Variants in ARMC3 observed in about 807,000 individuals in gnomAD.
The protein encoded by ARMC3 is armadillo repeat-containing protein 3.
ARMC3 carries 74 observed loss-of-function variants against 90.3 expected under a neutral mutation model. The ratio of observed to expected loss-of-function variants is 0.82; its 90% CI spans 0.68 to 0.99. The LOEUF (loss-of-function observed/expected upper bound fraction) is 0.99. ARMC3 is among the 50% of genes least tolerant of loss of function. ARMC3 has a pLI of 0.00. For missense variants in ARMC3, 958 were observed against 1,042.8 expected (o/e 0.92, Z 1.12); for synonymous variants, 334 against 361.8 (o/e 0.92, Z 0.87).
At chr10:22,971,174 G>A (rs1411618485) in intron 8 of ARMC3, among the ~76,000 whole-genome samples, 1 of 152,080 alleles carries the variant, frequency 6.6e-6, no homozygotes, top group Non-Finnish European at 1.5e-5. Context: ...CACTTGGCAC[G>A]ATGTCCTTAA....
At chr10:23,014,067 T>C (rs1449737582) in intron 16 of ARMC3, 1 of 1,548,300 alleles carries the variant, frequency 6.5e-7, no homozygotes, top group Middle Eastern at 1.7e-4. Context: ...TGTACTGTCT[T>C]CACTCTCCCT....
At chr10:23,025,612 C>G (rs1426723957) in intron 16 of ARMC3, among the ~76,000 whole-genome samples, 1 of 151,948 alleles carries the variant, frequency 6.6e-6, no homozygotes, top group African/African-American at 2.4e-5. Context: ...AGAGGAAAAT[C>G]TATTGTACTA....
chr10:23,030,286 G>C (rs577496014), intron 16 of ARMC3, among the ~76,000 whole-genome samples: 1 of 152,186 alleles, frequency 6.6e-6, no homozygotes, highest in South Asian at 2.1e-4. Flanking sequence ...GCATACTCTA[G>C]ACCCACAGTC....
At chr10:22,954,564 C>T (rs556488625) in intron 3 of ARMC3, among the ~76,000 whole-genome samples, 1 of 150,368 alleles carries the variant, frequency 6.7e-6, no homozygotes, top group East Asian at 2.0e-4. Context: ...CCCAGCTACT[C>T]AGAAGACTGA....
At chr10:23,030,027 C>T (rs1838860136) in intron 16 of ARMC3, among the ~76,000 whole-genome samples, 1 of 152,064 alleles carries the variant, frequency 6.6e-6, no homozygotes, top group African/African-American at 2.4e-5. Context: ...TATTACATAC[C>T]TACTACTATG....
At chr10:23,020,156 T>G (rs923728217) in intron 16 of ARMC3, among the ~76,000 whole-genome samples, 1 of 152,086 alleles carries the variant, frequency 6.6e-6, no homozygotes, top group African/African-American at 2.4e-5. Context: ...TGAGGCAGAG[T>G]CTCGCTCTGT....
chr10:22,978,537 A>G (rs969595644), intron 8 of ARMC3, among the ~76,000 whole-genome samples: 1 of 152,224 alleles, frequency 6.6e-6, no homozygotes, highest in Non-Finnish European at 1.5e-5. Context: ...CAGCCAAACC[A>G]TATCATTTGT....
chr10:23,011,963 T>C (rs1299414375), intron 16 of ARMC3, among the ~76,000 whole-genome samples: 1 of 152,204 alleles, frequency 6.6e-6, no homozygotes, highest in Non-Finnish European at 1.5e-5. Flanking sequence ...ACAGGCCACT[T>C]GACTGATGAG....
intron 2 of ARMC3, among the ~76,000 whole-genome samples, chr10:22,937,054 C>T (rs575261731): frequency 1.3e-5 from 2 of 152,020 alleles, no homozygotes; most frequent in African/African-American, 2.4e-5. Context: ...AGGCATACAC[C>T]GCCATACCCG....
chr10:22,957,058 G>C (rs927226755), intron 4 of ARMC3, among the ~76,000 whole-genome samples: 9 of 152,048 alleles, frequency 5.9e-5, no homozygotes, highest in African/African-American at 1.9e-4. Flanking sequence ...ATTCTAACAT[G>C]AAACTTAGGC....
chr10:22,961,688 T>C, intron 6 of ARMC3, 196 bp from the exon 7 acceptor site: 1 of 535,900 alleles, frequency 1.9e-6, no homozygotes, highest in East Asian at 3.2e-5. Context: ...AGACAATGTC[T>C]ACATATTACA....
rs112376819 is a variant in ARMC3 at position 22,945,670 on chromosome 10, T to C, written c.49-474T>C. On this transcript the variant is annotated intron_variant, in intron 2 of 18. Coordinates refer to ENST00000298032, the MANE Select transcript of ARMC3 (RefSeq NM_173081.5). ...ATTGAGATGGTCATGGAATAAAATA[T>C]ATACAGGTATTCAAGGATTGTGTAT... 9.3e-4 allele frequency among the ~76,000 whole-genome samples: 141 copies of C among 152,322 alleles called. 1 individual carries two copies. The highest frequency in any genetic ancestry group is 3.3e-3 in the African/African-American group (137 of 41,574).
intron 17 of ARMC3, among the ~76,000 whole-genome samples, chr10:23,032,411 T>C (rs1009038139): frequency 2.6e-5 from 4 of 152,202 alleles, no homozygotes; most frequent in African/African-American, 9.6e-5. Context: ...TTAAATCTAA[T>C]GGGAAAATGT....
intron 7 of ARMC3, 72 bp downstream of exon 7, chr10:22,962,150 A>G (rs1835227631): frequency 1.7e-6 from 2 of 1,171,926 alleles, no homozygotes; most frequent in South Asian, 2.1e-5. Flanking sequence ...ATGAAATTTT[A>G]TTATACTTAA....
At chr10:22,984,435 C>T (rs1000651237) in intron 10 of ARMC3, among the ~76,000 whole-genome samples, 2 of 152,014 alleles carry the variant, frequency 1.3e-5, no homozygotes, top group Non-Finnish European at 2.9e-5. Flanking sequence ...CTTGTGGTAA[C>T]GCTTTTTGTA....
intron 2 of ARMC3, among the ~76,000 whole-genome samples, chr10:22,945,239 T>G (rs1225927509): frequency 6.6e-6 from 1 of 152,196 alleles, no homozygotes; most frequent in Non-Finnish European, 1.5e-5. Flanking sequence ...AAATATTCCA[T>G]GACATAGTAA....
At chr10:23,005,291 G>A (rs1217421533) in intron 13 of ARMC3, among the ~76,000 whole-genome samples, 1 of 150,986 alleles carries the variant, frequency 6.6e-6, no homozygotes, top group Non-Finnish European at 1.5e-5. Context: ...AAAAACGATC[G>A]CAGAACACTT....
chr10:22,970,706 TGTGA>T (rs1835646948), intron 8 of ARMC3, among the ~76,000 whole-genome samples: 1 of 152,084 alleles, frequency 6.6e-6, no homozygotes, highest in Admixed American at 6.6e-5. Context: ...CCAGCACATG[TGTGA>T]GTATTTTTGA....
At chr10:23,002,854 A>G (rs936798461) in intron 12 of ARMC3, among the ~76,000 whole-genome samples, 3 of 152,202 alleles carry the variant, frequency 2.0e-5, no homozygotes, top group African/African-American at 7.2e-5. Flanking sequence ...AATTACAGGC[A>G]TAAGCCATCA....
Sources: allele counts gnomAD v4.1 joint callset (sites outside exome capture counted in the v4.1 genomes callset), GRCh38; gene constraint gnomAD v4.1.1; transcripts MANE v1.5; gene names NCBI Gene and HGNC (gene_info 2026-07-23, HGNC 2026-07-21).